ROCK1: variants seen among roughly 807,000 people sequenced by gnomAD.
ROCK1 encodes the protein rho-associated protein kinase 1.
A neutral mutation model predicts 196.8 loss-of-function variants in ROCK1; 36 were observed. The observed-to-expected ratio is 0.18, with a 90% CI of 0.14 to 0.24. The LOEUF (loss-of-function observed/expected upper bound fraction) is 0.24, where lower values mean the gene tolerates loss of function less well. ROCK1 is among the 10% of genes least tolerant of loss of function. The pLI, the probability that ROCK1 is intolerant of heterozygous loss-of-function variation, is 1.00. For missense variants in ROCK1, 920 were observed against 1,562.0 expected, an observed-to-expected ratio of 0.59 and a Z score of 6.93; for synonymous variants, 443 against 515.9, an observed-to-expected ratio of 0.86 and a Z score of 1.91.
chr18:20,958,241 G>A (rs943222319), intron 29 of ROCK1, among the ~76,000 whole-genome samples: 5 of 151,858 alleles, frequency 3.3e-5, no homozygotes, highest in Non-Finnish European at 7.4e-5. Context: ...AATAAAGAAA[G>A]AGTATTCTCT....
At chr18:21,033,854 T>TAACAAAAAAAAAAAAAAAAAAAAA in intron 9 of ROCK1, among the ~76,000 whole-genome samples, 1 of 33,464 alleles carries the variant, frequency 3.0e-5, no homozygotes, top group Non-Finnish European at 5.3e-5. Context: ...CCGTTTCTAC[T>TAACAAAAAAAAAAAAAAAAAAAAA]AAAAAAAAAA....
intron 10 of ROCK1, among the ~76,000 whole-genome samples, chr18:21,024,567 C>T (rs2035940733): frequency 6.6e-6 from 1 of 152,160 alleles, no homozygotes; most frequent in Non-Finnish European, 1.5e-5. Flanking sequence ...CAAATAGTTA[C>T]AGTATACTTC....
chr18:20,980,111 C>A, intron 21 of ROCK1, 107 bp from the exon 22 acceptor site: 1 of 1,291,928 alleles, frequency 7.7e-7, no homozygotes, highest in Non-Finnish European at 1.0e-6. Context: ...CAATTCCACT[C>A]TCAAGTATTT....
In ROCK1 at chr18:20,951,326, G is replaced by T; in HGVS notation, c.*58C>A. The T allele has an allele frequency of 1.9e-6, 3 of 1,552,336 alleles. No homozygotes were observed. Among genetic ancestry groups the T allele is most frequent in the Non-Finnish European group, 2.6e-6 (3 of 1,135,838 alleles). Reference sequence around the variant, plus strand: ...AGCCTGTCTGCTCTGCATGGTTAAAGAAGCCTGGTTTATCAGGTAGCATCC... The same window carrying T: ...AGCCTGTCTGCTCTGCATGGTTAAATAAGCCTGGTTTATCAGGTAGCATCC... On this transcript the variant is annotated 3_prime_UTR_variant, in exon 33 of 33. Coordinates refer to ENST00000399799, the MANE Select transcript of ROCK1 (RefSeq NM_005406.3).
At chr18:21,079,731 C>G (rs1032176151) in intron 1 of ROCK1, among the ~76,000 whole-genome samples, 72 of 152,182 alleles carry the variant, frequency 4.7e-4, no homozygotes, top group African/African-American at 1.7e-3. Context: ...ACTAAAAGAA[C>G]TGGGTCGATT....
At chr18:20,973,004 C>T (rs551123242) in intron 22 of ROCK1, among the ~76,000 whole-genome samples, 2 of 152,210 alleles carry the variant, frequency 1.3e-5, no homozygotes, top group South Asian at 2.1e-4. Flanking sequence ...CTCAGCCTCC[C>T]GAGTAGTTGG....
At chr18:20,958,185 ATAATT>A (rs1373518524) in intron 29 of ROCK1, among the ~76,000 whole-genome samples, 1 of 152,212 alleles carries the variant, frequency 6.6e-6, no homozygotes, top group Non-Finnish European at 1.5e-5. Context: ...GCTTAAGCTG[ATAATT>A]TAAATTTTGA....
At position 20,980,008 on chromosome 18, in the gene ROCK1, C is replaced by CA. The variant is rs753983123; in HGVS notation, c.2560-5dup. On this transcript the variant is annotated splice_region_variant and splice_polypyrimidine_tract_variant and intron_variant, in intron 21 of 32. Transcript: ENST00000399799. ...TTACCTGGGTTTTATAAAGTGTCTG[C>CA]AAAACAAGTGACAAGGAGAAATAAG... 2.0e-5 allele frequency: 31 copies of CA among 1,537,642 alleles called. No homozygotes were observed. The East Asian group carries it at 6.6e-4, about 33-fold the overall frequency.
At chr18:20,981,964 T>C (rs1475682109) in intron 21 of ROCK1, among the ~76,000 whole-genome samples, 4 of 152,194 alleles carry the variant, frequency 2.6e-5, no homozygotes, top group Admixed American at 1.3e-4. Flanking sequence ...TAACAGCTTA[T>C]TGAATTGAAT....
At chr18:21,027,028 C>G (rs953021125) in intron 10 of ROCK1, among the ~76,000 whole-genome samples, 3 of 151,516 alleles carry the variant, frequency 2.0e-5, no homozygotes, top group Non-Finnish European at 4.4e-5. Context: ...AACCTCCGCC[C>G]CCCAGGTTGA....
chr18:20,980,712 T>G (rs1440300156), intron 21 of ROCK1, among the ~76,000 whole-genome samples: 2 of 150,110 alleles, frequency 1.3e-5, no homozygotes, highest in Non-Finnish European at 3.0e-5. Flanking sequence ...GTCAGGAGAT[T>G]GAGAGCATCC....
At chr18:21,012,679 G>A (rs964924490) in intron 13 of ROCK1, among the ~76,000 whole-genome samples, 16 of 152,004 alleles carry the variant, frequency 1.1e-4, no homozygotes, top group Non-Finnish European at 1.0e-4. Flanking sequence ...TGTCAGTTCA[G>A]GTCTTTTGTC....
intron 1 of ROCK1, among the ~76,000 whole-genome samples, chr18:21,095,300 C>T (rs927726304): frequency 2.0e-5 from 3 of 151,866 alleles, no homozygotes; most frequent in Admixed American, 6.6e-5. Context: ...AACAGTTTGG[C>T]GGTTCTTCAA....
chr18:21,023,966 C>T (rs2035935937), intron 10 of ROCK1, among the ~76,000 whole-genome samples: 1 of 152,068 alleles, frequency 6.6e-6, no homozygotes. Flanking sequence ...TAAATAAAAA[C>T]CATAGTCTCA....
intron 1 of ROCK1, among the ~76,000 whole-genome samples, chr18:21,075,626 G>A (rs2036422869): frequency 6.6e-6 from 1 of 152,118 alleles, no homozygotes; most frequent in African/African-American, 2.4e-5. Flanking sequence ...AAAGACTGAA[G>A]AATAGAACAC....
chr18:21,034,669 A>C (rs1260015829), intron 9 of ROCK1, among the ~76,000 whole-genome samples: 4 of 152,246 alleles, frequency 2.6e-5, no homozygotes, highest in Non-Finnish European at 2.9e-5. Flanking sequence ...AGACCTAAAC[A>C]TACTAGCTGA....
At chr18:21,014,881 T>C (rs897986876) in intron 13 of ROCK1, among the ~76,000 whole-genome samples, 1 of 152,196 alleles carries the variant, frequency 6.6e-6, no homozygotes, top group African/African-American at 2.4e-5. Context: ...TACTTAGAAG[T>C]TGACTAAGAG....
intron 2 of ROCK1, among the ~76,000 whole-genome samples, chr18:21,060,010 A>G (rs1461394838): frequency 6.6e-6 from 1 of 152,202 alleles, no homozygotes; most frequent in African/African-American, 2.4e-5. Flanking sequence ...AAAATAGATT[A>G]GTGGTTGTCT....
At chr18:20,971,503 C>A (rs993450721) in intron 22 of ROCK1, among the ~76,000 whole-genome samples, 53 of 151,870 alleles carry the variant, frequency 3.5e-4, no homozygotes, top group African/African-American at 1.2e-3. Context: ...CTTTGGGAGG[C>A]TGAGGCGGGC....
Sources: gnomAD v4.1 joint callset for allele counts (sites outside exome capture counted in the v4.1 genomes callset) on GRCh38, gnomAD v4.1.1 for gene constraint, MANE v1.5 for transcripts, NCBI Gene and HGNC (gene_info 2026-07-23, HGNC 2026-07-21) for gene names.